Variants in SPMIP4 observed in about 807,000 individuals in gnomAD.
The protein encoded by SPMIP4 is sperm-associated microtubule inner protein 4.
At chr7:25,136,756 G>T in the SPMIP4 span, 5 of 1,613,010 alleles carry the variant, frequency 3.1e-6, no homozygotes, top group Non-Finnish European at 4.2e-6. This position sits in a 1 kb window ranked among gnomAD's most constrained non-coding sequence, Gnocchi z 5.7. Flanking sequence ...TCCTTCCAAC[G>T]GTCTGGGAGG....
chr7:25,160,939 C>T, the SPMIP4 span, among the ~76,000 whole-genome samples: 1 of 152,026 alleles, frequency 6.6e-6, no homozygotes, highest in East Asian at 1.9e-4. Context: ...TTTTAGGAAT[C>T]CCTTTGAACA....
chr7:25,156,239 C>T, the SPMIP4 span, among the ~76,000 whole-genome samples: 1 of 152,144 alleles, frequency 6.6e-6, no homozygotes, highest in Middle Eastern at 3.4e-3. Flanking sequence ...ACCAGCAAAG[C>T]CCAGAAGCCA....
the SPMIP4 span, among the ~76,000 whole-genome samples, chr7:25,175,049 C>A: frequency 6.6e-6 from 1 of 152,084 alleles, no homozygotes; most frequent in Non-Finnish European, 1.5e-5. Context: ...GTGCTGCTAG[C>A]CCAGTAGTTC....
At chr7:25,129,691 G>A in the SPMIP4 span, among the ~76,000 whole-genome samples, 8 of 152,002 alleles carry the variant, frequency 5.3e-5, no homozygotes, top group African/African-American at 1.9e-4. Context: ...ATTCCTGGAG[G>A]CTTCCATTTG....
chr7:25,177,678 T>C, the SPMIP4 span, among the ~76,000 whole-genome samples: 1 of 152,176 alleles, frequency 6.6e-6, no homozygotes, highest in East Asian at 1.9e-4. Context: ...ATATGTAAAA[T>C]GCAGATAACA....
At chr7:25,165,463 G>T in the SPMIP4 span, among the ~76,000 whole-genome samples, 15 of 151,836 alleles carry the variant, frequency 9.9e-5, no homozygotes, top group Non-Finnish European at 1.9e-4. Flanking sequence ...TTGCTTTTTT[G>T]TTTTTTTTAG....
the SPMIP4 span, among the ~76,000 whole-genome samples, chr7:25,139,112 A>C: frequency 6.6e-6 from 1 of 152,138 alleles, no homozygotes; most frequent in African/African-American, 2.4e-5. Context: ...AACTCGATGA[A>C]TGTACACTTA....
At chr7:25,169,498 T>C in the SPMIP4 span, among the ~76,000 whole-genome samples, 1 of 152,230 alleles carries the variant, frequency 6.6e-6, no homozygotes, top group Admixed American at 6.5e-5. Flanking sequence ...TGTGATGGGC[T>C]TCTTTGACTT....
At chr7:25,152,357 G>A in the SPMIP4 span, among the ~76,000 whole-genome samples, 15 of 152,196 alleles carry the variant, frequency 9.9e-5, no homozygotes, top group African/African-American at 1.7e-4. Context: ...AGCATGGCTC[G>A]CTTTGCTCTC....
the SPMIP4 span, among the ~76,000 whole-genome samples, chr7:25,178,718 C>T: frequency 3.4e-4 from 52 of 152,172 alleles, no homozygotes; most frequent in African/African-American, 1.3e-3. Context: ...ATAATTGCCA[C>T]GTTTTGCCTT....
At chr7:25,141,584 A>AG in the SPMIP4 span, among the ~76,000 whole-genome samples, 1 of 151,432 alleles carries the variant, frequency 6.6e-6, no homozygotes, top group African/African-American at 2.4e-5. Context: ...GAAAAAAAAA[A>AG]AAAAAAAAAA....
At chr7:25,137,315 T>A in the SPMIP4 span, among the ~76,000 whole-genome samples, 22 of 123,446 alleles carry the variant, frequency 1.8e-4, no homozygotes, top group African/African-American at 3.0e-4. Context: ...TTTTTTTTTT[T>A]TTTTATTTTT....
chr7:25,154,852 G>A, the SPMIP4 span, among the ~76,000 whole-genome samples: 8 of 152,164 alleles, frequency 5.3e-5, no homozygotes, highest in South Asian at 2.1e-4. Flanking sequence ...ATGGTGGCGC[G>A]CCAGCTGATT....
At chr7:25,174,036 T>C in the SPMIP4 span, among the ~76,000 whole-genome samples, 2 of 152,346 alleles carry the variant, frequency 1.3e-5, no homozygotes, top group South Asian at 2.1e-4. The surrounding 1 kb of genome is among the most constrained non-coding windows in gnomAD (Gnocchi z 4.5). Flanking sequence ...TAGGATTTCA[T>C]GATAGGATTT....
At chr7:25,142,951 A>C in the SPMIP4 span, 1 of 536,432 alleles carries the variant, frequency 1.9e-6, no homozygotes, top group South Asian at 3.6e-5. Flanking sequence ...ATTAATTACT[A>C]GTTAATTACT....
the SPMIP4 span, chr7:25,168,388 G>A: frequency 2.3e-5 from 37 of 1,613,150 alleles, 1 homozygote; most frequent in South Asian, 3.4e-4. Context: ...GAGTGAAATC[G>A]GTATTATCCC....
At chr7:25,142,525 G>T in the SPMIP4 span, 3 of 968,440 alleles carry the variant, frequency 3.1e-6, no homozygotes, top group Non-Finnish European at 3.0e-6. Flanking sequence ...AATACTTTAG[G>T]ATTTAAATAC....
At chr7:25,130,713 C>A in the SPMIP4 span, among the ~76,000 whole-genome samples, 1 of 152,076 alleles carries the variant, frequency 6.6e-6, no homozygotes, top group East Asian at 1.9e-4. Flanking sequence ...ATTTTTGGTT[C>A]CTGAACAAGT....
At chr7:25,178,312 G>C in the SPMIP4 span, among the ~76,000 whole-genome samples, 1 of 152,150 alleles carries the variant, frequency 6.6e-6, no homozygotes, top group African/African-American at 2.4e-5. Flanking sequence ...ATATTCCTTT[G>C]ATAGAACAAC....
Sources: allele counts gnomAD v4.1 joint callset (sites outside exome capture counted in the v4.1 genomes callset), GRCh38; gene constraint gnomAD v4.1.1; non-coding constraint Gnocchi (gnomAD v3.1); transcripts MANE v1.5; gene names NCBI Gene and HGNC (gene_info 2026-07-23, HGNC 2026-07-21).